Variants in AFF2 observed in about 807,000 individuals in gnomAD.
The protein encoded by AFF2 is AF4/FMR2 family member 2.
Under a neutral mutation model 76.9 loss-of-function variants are expected in AFF2, and 14 were observed. That is an observed-to-expected ratio of 0.18 (90% CI 0.12 to 0.28). The LOEUF is 0.28. Among genes scored for constraint, AFF2 ranks in the 10% least tolerant of loss-of-function variants. AFF2 has a pLI of 1.00. For missense variants in AFF2, 868 were observed against 1,001.1 expected (o/e 0.87, Z 1.79); for synonymous variants, 398 against 366.7 (o/e 1.09, Z -0.98).
chrX:148,930,480 A>G (rs782384227), intron 9 of AFF2, among the ~76,000 whole-genome samples: 4 of 111,926 alleles, frequency 3.6e-5, no homozygotes, highest in Non-Finnish European at 7.5e-5. Context: ...CCATTGTGAA[A>G]TGTCCACTGT....
At chrX:148,690,728 G>T (rs1414598667) in intron 3 of AFF2, among the ~76,000 whole-genome samples, 1 of 112,533 alleles carries the variant, frequency 8.9e-6, no homozygotes, top group Non-Finnish European at 1.9e-5. Context: ...ATGACATTCA[G>T]CAAGGCACTT....
At chrX:148,905,322 T>G (rs1242445118) in intron 9 of AFF2, among the ~76,000 whole-genome samples, 1 of 112,244 alleles carries the variant, frequency 8.9e-6, no homozygotes, top group Non-Finnish European at 1.9e-5. Flanking sequence ...CTGTAACATC[T>G]AGAGGGGCAT....
At chrX:148,679,403 C>T (rs1046783847) in intron 3 of AFF2, among the ~76,000 whole-genome samples, 3 of 109,643 alleles carry the variant, frequency 2.7e-5, no homozygotes, top group Admixed American at 2.0e-4. Flanking sequence ...ATAACAGTGC[C>T]GTGCTTCCTG....
chrX:148,874,555 T>TAGGGG (rs2071014782), intron 7 of AFF2, among the ~76,000 whole-genome samples: 4 of 111,803 alleles, frequency 3.6e-5, no homozygotes, highest in Admixed American at 9.5e-5. Context: ...GCTATTTCCT[T>TAGGGG]TACACATTGT....
At position 148,844,681 on chromosome X, in the gene AFF2, A is replaced by T. The variant is rs782627178; in HGVS notation, c.1262+1248A>T. The stretch of plus-strand genomic sequence containing the variant: ...TTTGGAAGATCATGAATAATTGCAT[A>T]AAAAAACTGGGAATGACTCCCAAAT... On this transcript the variant is annotated intron_variant, in intron 7 of 20. Transcript: ENST00000370460. Among the ~76,000 whole-genome samples the T allele has an allele frequency of 9.0e-5, 10 of 111,570 alleles. No homozygotes were observed. In the South Asian group the frequency reaches 2.7e-3, roughly 30 times the overall value.
chrX:148,812,798 C>T (rs2070220416), intron 4 of AFF2, among the ~76,000 whole-genome samples: 1 of 111,788 alleles, frequency 8.9e-6, no homozygotes, highest in South Asian at 3.8e-4. Context: ...TTGTTATGGC[C>T]CCCTTTCTCA....
chrX:148,762,293 G>A (rs188250529), intron 3 of AFF2, among the ~76,000 whole-genome samples: 93 of 109,158 alleles, frequency 8.5e-4, no homozygotes, highest in African/African-American at 3.1e-3. Context: ...GAGAACATAC[G>A]ATGCTTAGTT....
At chrX:148,716,379 T>A (rs2055025450) in intron 3 of AFF2, among the ~76,000 whole-genome samples, 1 of 111,792 alleles carries the variant, frequency 8.9e-6, no homozygotes. Context: ...CGTTGGACCC[T>A]ACAACTTAAT....
intron 9 of AFF2, among the ~76,000 whole-genome samples, chrX:148,920,015 CA>C (rs1184502585): frequency 3.6e-5 from 4 of 111,892 alleles, no homozygotes; most frequent in Admixed American, 9.4e-5. Flanking sequence ...ACCACCTCAA[CA>C]AAACTATAGT....
intron 1 of AFF2, among the ~76,000 whole-genome samples, chrX:148,595,679 G>A (rs1167314367): frequency 9.0e-6 from 1 of 111,727 alleles, no homozygotes; most frequent in Non-Finnish European, 1.9e-5. Context: ...CATGGCTTAG[G>A]TCTGAATAAC....
intron 8 of AFF2, among the ~76,000 whole-genome samples, chrX:148,889,113 T>G (rs1484831165): frequency 8.9e-6 from 1 of 111,849 alleles, no homozygotes; most frequent in African/African-American, 3.2e-5. Flanking sequence ...TTTCAAACAG[T>G]ATCTAAGAGC....
Position 148,991,469 on chromosome X carries a change from T to TA in AFF2, c.*143dup. 5.1e-6 allele frequency: 4 copies of TA among 781,894 alleles called. No homozygotes were observed. Among genetic ancestry groups the TA allele is most frequent in the Non-Finnish European group, 6.9e-6 (4 of 577,523 alleles). 64.4% of individuals were successfully genotyped at this position (781,894 alleles called of 1,213,427 possible). The stretch of plus-strand genomic sequence containing the variant: ...GTTTTTATGCTTCTTTTGTTATCTG[T>TA]AAAAAACAGAAGTCATTGTAAGTTG... On this transcript the variant is annotated 3_prime_UTR_variant, in exon 21 of 21. Coordinates refer to ENST00000370460, the MANE Select transcript of AFF2 (RefSeq NM_002025.4).
At chrX:148,583,770 A>G (rs782233377) in intron 1 of AFF2, among the ~76,000 whole-genome samples, 4 of 111,502 alleles carry the variant, frequency 3.6e-5, no homozygotes, top group South Asian at 3.7e-4. Context: ...CCTTTTTCTG[A>G]CACTGAGAAA....
At chrX:148,980,052 T>C (rs2072373471) in intron 18 of AFF2, among the ~76,000 whole-genome samples, 1 of 111,902 alleles carries the variant, frequency 8.9e-6, no homozygotes, top group South Asian at 3.8e-4. Context: ...ATCCCTGTCC[T>C]GTAGTGGTAA....
intron 7 of AFF2, among the ~76,000 whole-genome samples, chrX:148,853,323 T>G (rs1295429123): frequency 1.8e-5 from 2 of 111,539 alleles, no homozygotes; most frequent in Non-Finnish European, 1.9e-5. Flanking sequence ...GAGCCATTAT[T>G]GTCCTAGAGA....
At chrX:148,504,646 C>G (rs1327145237) in intron 1 of AFF2, among the ~76,000 whole-genome samples, 1 of 113,264 alleles carries the variant, frequency 8.8e-6, no homozygotes, top group Non-Finnish European at 1.9e-5. Context: ...CCAGGCCTCT[C>G]CTCCTCCGGT....
intron 8 of AFF2, among the ~76,000 whole-genome samples, chrX:148,901,863 C>T (rs2071359394): frequency 9.0e-6 from 1 of 111,592 alleles, no homozygotes; most frequent in African/African-American, 3.3e-5. Context: ...ATTTACTTGC[C>T]ATCATTTACT....
Position 148,953,596 on chromosome X carries a change from C to T in AFF2, c.1414C>T (p.Pro472Ser). The T allele has an allele frequency of 3.3e-6, 4 of 1,210,434 alleles. No homozygotes were observed. Among genetic ancestry groups the T allele is most frequent in the Non-Finnish European group, 4.5e-6 (4 of 894,816 alleles). Residue 472 changes from proline to serine, a missense_variant, in exon 10 of 21, where the codon CCC becomes TCC. Around this residue, in one of 6 missense-constraint regions of AFF2, gnomAD observed 532 missense variants for 564.2 expected, o/e 0.94. Transcript: ENST00000370460. ...NNPVNPPLATPQPPPAVQASG... is the reference protein window; with the variant it reads ...NNPVNPPLATSQPPPAVQASG... ...TTCTTTCAGCCCACCCTTGGCCACT[C>T]CCCAGCCCCCACCTGCAGTGCAAGC...
intron 1 of AFF2, among the ~76,000 whole-genome samples, chrX:148,612,195 T>G (rs1458878512): frequency 8.9e-6 from 1 of 111,982 alleles, no homozygotes; most frequent in Non-Finnish European, 1.9e-5. Flanking sequence ...CATTTATAGT[T>G]CTGACAATAG....
Sources: allele counts gnomAD v4.1 joint callset (sites outside exome capture counted in the v4.1 genomes callset), GRCh38; gene constraint gnomAD v4.1.1; regional missense constraint gnomAD v4.1.1; transcripts MANE v1.5; gene names NCBI Gene and HGNC (gene_info 2026-07-23, HGNC 2026-07-21).